Variants in TRPC5 observed in about 807,000 individuals in gnomAD.
TRPC5 encodes transient receptor potential cation channel subfamily C member 5, also known as short transient receptor potential channel 5.
TRPC5 carries 9 observed loss-of-function variants against 56.5 expected under a neutral mutation model. That is an observed-to-expected ratio of 0.16 (90% CI 0.10 to 0.28). The LOEUF is 0.28. Among genes scored for constraint, TRPC5 ranks in the 10% least tolerant of loss-of-function variants. The pLI is 1.00. For synonymous variants in TRPC5, 282 were observed against 278.5 expected (o/e 1.01, Z -0.13); for missense variants, 469 against 748.9 (o/e 0.63, Z 4.36).
intron 1 of TRPC5, among the ~76,000 whole-genome samples, chrX:111,956,017 CTCTTT>C (rs1927225248): frequency 8.9e-6 from 1 of 112,596 alleles, no homozygotes; most frequent in Admixed American, 9.4e-5. Context: ...ATCATGTTCC[CTCTTT>C]TCTTTGCTGC....
intron 7 of TRPC5, among the ~76,000 whole-genome samples, chrX:111,786,998 T>A (rs1033004864): frequency 1.8e-5 from 2 of 109,503 alleles, no homozygotes; most frequent in Non-Finnish European, 3.8e-5. Context: ...CAATATTAGA[T>A]CAACGAGACA....
chrX:112,006,594 G>T (rs1928850901), intron 1 of TRPC5, among the ~76,000 whole-genome samples: 1 of 111,033 alleles, frequency 9.0e-6, no homozygotes. Context: ...CTCCACAGCT[G>T]TTAATCATTC....
chrX:111,781,968 A>G lies in TRPC5; in HGVS notation c.2067T>C (p.Gly689=). The G allele has an allele frequency of 8.3e-7, 1 of 1,203,389 alleles. No individual in the cohort carries two copies. Among genetic ancestry groups the G allele is most frequent in the African/African-American group, 1.7e-5 (1 of 57,532 alleles). Residue 689 remains glycine (G), a synonymous_variant, in exon 8 of 11, where the codon GGT becomes GGC. Transcript: ENST00000262839. ...NTFCPKRDPD[G]RRRRRNLRSF... is the part of the protein sequence containing the mutation. Reference sequence around the variant, plus strand: ...TTCTCAAGTTGCGCCTTCTCCGTCTACCGTCAGGGTCTCTTTTGGGGCAGA... The same window carrying G: ...TTCTCAAGTTGCGCCTTCTCCGTCTGCCGTCAGGGTCTCTTTTGGGGCAGA...
intron 6 of TRPC5, among the ~76,000 whole-genome samples, chrX:111,837,238 C>T (rs1922589832): frequency 9.0e-6 from 1 of 111,184 alleles, no homozygotes. Flanking sequence ...CAGCCAGGGC[C>T]AGGCAATACA....
At chrX:111,860,903 T>C (rs1165843805) in intron 3 of TRPC5, among the ~76,000 whole-genome samples, 3 of 111,975 alleles carry the variant, frequency 2.7e-5, no homozygotes, top group African/African-American at 6.5e-5. Context: ...AAAGTAAAGT[T>C]TGATTTTGAG....
Position 111,868,547 on chromosome X carries a change from G to A in TRPC5, c.901-14441C>T, listed in dbSNP as rs935392959. On this transcript the variant is annotated intron_variant, in intron 3 of 10. Transcript: ENST00000262839. ...TGTTTAATATTCAGAGGTTTATAAA[G>A]CAGTATAGGTCTGTGGTTCTCTAAA... Among the ~76,000 whole-genome samples the A allele has an allele frequency of 2.7e-5, 3 of 112,485 alleles. No homozygotes were observed. The Admixed American group carries it at 2.8e-4, about 11-fold the overall frequency.
chrX:111,913,953 C>G (rs1345978862), intron 2 of TRPC5, among the ~76,000 whole-genome samples: 2 of 51,341 alleles, frequency 3.9e-5, no homozygotes, highest in East Asian at 1.5e-3. Flanking sequence ...GAGCAAGACT[C>G]AGTCTCAAAA....
chrX:112,065,616 C>T (rs1930564802), intron 1 of TRPC5, among the ~76,000 whole-genome samples: 2 of 112,077 alleles, frequency 1.8e-5, no homozygotes, highest in African/African-American at 6.5e-5. Context: ...TGGGGCCAGG[C>T]CCAGTGGCTC....
intron 5 of TRPC5, among the ~76,000 whole-genome samples, chrX:111,848,264 G>A: frequency 9.0e-6 from 1 of 111,537 alleles, no homozygotes; most frequent in Non-Finnish European, 1.9e-5. Flanking sequence ...CATATTAGGA[G>A]TAGCCTTGTA....
At chrX:111,818,489 C>T (rs1247521563) in intron 7 of TRPC5, among the ~76,000 whole-genome samples, 1 of 111,070 alleles carries the variant, frequency 9.0e-6, no homozygotes, top group Non-Finnish European at 1.9e-5. Context: ...TAGAGCCTGG[C>T]ACAAAGTAGG....
intron 1 of TRPC5, among the ~76,000 whole-genome samples, chrX:112,007,206 G>C (rs1022965363): frequency 9.0e-6 from 1 of 111,624 alleles, no homozygotes; most frequent in African/African-American, 3.3e-5. Flanking sequence ...ATTGAGTCTG[G>C]ATGACTGAAT....
chrX:112,081,232 C>T (rs1199673045), intron 1 of TRPC5, among the ~76,000 whole-genome samples: 1 of 111,936 alleles, frequency 8.9e-6, no homozygotes, highest in African/African-American at 3.3e-5. Flanking sequence ...ATGATCATGA[C>T]CATTTGTCCG....
At chrX:112,050,504 T>C (rs1452872522) in intron 1 of TRPC5, among the ~76,000 whole-genome samples, 3 of 112,600 alleles carry the variant, frequency 2.7e-5, no homozygotes, top group Non-Finnish European at 3.7e-5. Context: ...TGCGCACATG[T>C]GCATGGTCTT....
At chrX:111,978,866 T>A (rs1928001639) in intron 1 of TRPC5, among the ~76,000 whole-genome samples, 1 of 111,415 alleles carries the variant, frequency 9.0e-6, no homozygotes, top group Admixed American at 9.6e-5. Context: ...TAAGTATATA[T>A]AATTTTTATA....
At position 111,902,170 on chromosome X, in the gene TRPC5, C is replaced by G. The variant is rs1925386119; in HGVS notation, c.900+10121G>C. On this transcript the variant is annotated intron_variant, in intron 3 of 10. Transcript: ENST00000262839. The stretch of plus-strand genomic sequence containing the variant: ...ATACAGTCTCTGGTATAAATGATGA[C>G]TTAACAGGTGACTAAGACCCAATTT... 8.9e-6 allele frequency: 10 copies of G among 1,123,316 alleles called. No homozygotes were observed. The East Asian group carries it at 3.3e-4, about 37-fold the overall frequency. 92.6% of individuals were successfully genotyped at this position (1,123,316 alleles called of 1,213,427 possible). A position where few individuals can be genotyped will look rare whatever the true frequency, so the allele number is the denominator to read the frequency against.
At chrX:111,962,068 A>T (rs751811265) in intron 1 of TRPC5, among the ~76,000 whole-genome samples, 50 of 96,759 alleles carry the variant, frequency 5.2e-4, no homozygotes, top group African/African-American at 2.4e-3. Flanking sequence ...GAAATAATAG[A>T]CACTGGGACT....
intron 1 of TRPC5, among the ~76,000 whole-genome samples, chrX:111,962,008 C>A (rs929820276): frequency 8.9e-6 from 1 of 111,755 alleles, no homozygotes; most frequent in African/African-American, 3.3e-5. Context: ...ACCACATGTT[C>A]TCATTTCTAA....
intron 1 of TRPC5, among the ~76,000 whole-genome samples, chrX:111,979,885 A>G (rs1928032014): frequency 8.9e-6 from 1 of 111,997 alleles, no homozygotes; most frequent in African/African-American, 3.2e-5. Flanking sequence ...GAATGAAAAA[A>G]TGGTACATCT....
chrX:111,894,981 A>G (rs935476638), intron 3 of TRPC5, among the ~76,000 whole-genome samples: 14 of 110,023 alleles, frequency 1.3e-4, no homozygotes, highest in Non-Finnish European at 2.3e-4. Context: ...AATTTTATGC[A>G]TCTGGTTGAT....
Sources: allele counts gnomAD v4.1 joint callset (sites outside exome capture counted in the v4.1 genomes callset), GRCh38; gene constraint gnomAD v4.1.1; transcripts MANE v1.5; gene names NCBI Gene and HGNC (gene_info 2026-07-23, HGNC 2026-07-21).